HDAC4: variants seen among roughly 807,000 people sequenced by gnomAD.
HDAC4 encodes histone deacetylase 4.
Under a neutral mutation model 135.1 loss-of-function variants are expected in HDAC4, and 16 were observed. The ratio of observed to expected loss-of-function variants is 0.12; its 90% CI spans 0.08 to 0.18. HDAC4 has a LOEUF of 0.18. Ranked by LOEUF, HDAC4 falls within the 10% of genes least tolerant of loss-of-function variation. HDAC4 has a pLI of 1.00. For missense variants in HDAC4, 1,143 were observed against 1,511.8 expected, an observed-to-expected ratio of 0.76 and a Z score of 4.05; for synonymous variants, 685 against 653.4, an observed-to-expected ratio of 1.05 and a Z score of -0.74.
intron 3 of HDAC4, among the ~76,000 whole-genome samples, chr2:239,207,489 T>C (rs1423329170): frequency 6.6e-6 from 1 of 152,128 alleles, no homozygotes; most frequent in Non-Finnish European, 1.5e-5. Flanking sequence ...CTGTTATGAG[T>C]GATTTAGAAA....
At chr2:239,370,717 C>T (rs937669650) in intron 1 of HDAC4, among the ~76,000 whole-genome samples, 7 of 152,234 alleles carry the variant, frequency 4.6e-5, no homozygotes, top group African/African-American at 1.7e-4. Context: ...AGCCCTGCGG[C>T]GCCTGGAGGA....
chr2:239,066,896 G>T (rs899840855), intron 23 of HDAC4, 41 bp from the exon 24 acceptor site: 7 of 1,599,682 alleles, frequency 4.4e-6, no homozygotes, highest in Non-Finnish European at 4.3e-6. Context: ...AACGGGGGAG[G>T]ACCGCAGCCA....
chr2:239,168,708 C>T lies in HDAC4; in HGVS notation c.491-4785G>A, dbSNP rs979771073. On this transcript the variant is annotated intron_variant, in intron 5 of 26. Transcript: ENST00000543185. ...GAACCTCCTTCATGGGGGAAGACGC[C>T]GGCTTGGGCCCCGCTTACATAAGAG... 4.6e-5 allele frequency among the ~76,000 whole-genome samples: 7 copies of T among 152,348 alleles called. No individual in the cohort carries two copies. In the East Asian group the frequency reaches 1.2e-3, roughly 25 times the overall value.
intron 1 of HDAC4, among the ~76,000 whole-genome samples, chr2:239,360,965 G>A (rs1693828238): frequency 6.6e-6 from 1 of 152,128 alleles, no homozygotes; most frequent in Admixed American, 6.5e-5. Context: ...GACAGGAAAG[G>A]CACCTCTCTC....
At chr2:239,283,310 G>T (rs1450192378) in intron 2 of HDAC4, among the ~76,000 whole-genome samples, 1 of 152,246 alleles carries the variant, frequency 6.6e-6, no homozygotes, top group Non-Finnish European at 1.5e-5. Flanking sequence ...GGGTCTCTGA[G>T]ATCCGGAGGA....
chr2:239,057,429 C>CA (rs968017907), intron 24 of HDAC4, among the ~76,000 whole-genome samples: 2 of 151,836 alleles, frequency 1.3e-5, no homozygotes, highest in Admixed American at 6.6e-5. Context: ...AAGCCAGGGG[C>CA]AAAAAAACCC....
At chr2:239,359,926 C>T (rs1693750470) in intron 1 of HDAC4, among the ~76,000 whole-genome samples, 1 of 152,118 alleles carries the variant, frequency 6.6e-6, no homozygotes, top group African/African-American at 2.4e-5. Flanking sequence ...AGTACTTGAG[C>T]CAAAGGAAGT....
At chr2:239,353,923 G>A (rs530650025) in intron 1 of HDAC4, among the ~76,000 whole-genome samples, 4 of 152,132 alleles carry the variant, frequency 2.6e-5, no homozygotes, top group East Asian at 1.9e-4. Flanking sequence ...TCTAAAGTCC[G>A]CATTCCTCAC....
intron 1 of HDAC4, among the ~76,000 whole-genome samples, chr2:239,373,194 C>T (rs929094575): frequency 1.1e-4 from 16 of 152,150 alleles, no homozygotes; most frequent in African/African-American, 3.1e-4. Flanking sequence ...GCTGCAGCCG[C>T]GCGTACCTCC....
chr2:239,314,347 A>G (rs1192141688), intron 2 of HDAC4, among the ~76,000 whole-genome samples: 1 of 152,140 alleles, frequency 6.6e-6, no homozygotes, highest in Non-Finnish European at 1.5e-5. Context: ...AAAACAAGAG[A>G]GGTCATCCAG....
chr2:239,193,687 A>AAGC (rs2045166599), intron 3 of HDAC4, among the ~76,000 whole-genome samples: 1 of 152,202 alleles, frequency 6.6e-6, no homozygotes, highest in South Asian at 2.1e-4. Context: ...GCGCGAGGGG[A>AAGC]AGCAGCAGCA....
At chr2:239,372,395 A>C (rs1458166254) in intron 1 of HDAC4, among the ~76,000 whole-genome samples, 2 of 152,238 alleles carry the variant, frequency 1.3e-5, no homozygotes. Context: ...CACAAGAGTA[A>C]CACCACCACA....
At chr2:239,395,709 T>C (rs1696515906) in intron 1 of HDAC4, among the ~76,000 whole-genome samples, 1 of 152,118 alleles carries the variant, frequency 6.6e-6, no homozygotes, top group African/African-American at 2.4e-5. Flanking sequence ...CTTTCCCTCT[T>C]ACACTGCACA....
chr2:239,314,203 C>A (rs2053018474), intron 2 of HDAC4, among the ~76,000 whole-genome samples: 1 of 152,098 alleles, frequency 6.6e-6, no homozygotes, highest in African/African-American at 2.4e-5. Flanking sequence ...CGCTATGAAC[C>A]TCAAAAAAAC....
intron 2 of HDAC4, among the ~76,000 whole-genome samples, chr2:239,315,691 T>C (rs367732809): frequency 3.5e-4 from 53 of 152,192 alleles, no homozygotes; most frequent in East Asian, 1.7e-3. Flanking sequence ...CTGGAGACAA[T>C]TGGGTTGCTG....
intron 2 of HDAC4, among the ~76,000 whole-genome samples, chr2:239,328,632 G>A (rs1019560919): frequency 6.6e-6 from 1 of 152,220 alleles, no homozygotes; most frequent in East Asian, 1.9e-4. Flanking sequence ...AAACATTTCA[G>A]GAAATAAATC....
intron 22 of HDAC4, among the ~76,000 whole-genome samples, chr2:239,072,649 C>A (rs772944412): frequency 1.3e-5 from 2 of 152,244 alleles, no homozygotes; most frequent in Non-Finnish European, 2.9e-5. Flanking sequence ...CCACCAAGGA[C>A]CTTCCAGAAA....
At chr2:239,227,522 C>T (rs1559253466) in intron 3 of HDAC4, among the ~76,000 whole-genome samples, 2 of 152,166 alleles carry the variant, frequency 1.3e-5, no homozygotes, top group Admixed American at 1.3e-4. Context: ...TGGCAGATAC[C>T]GTGCTCACCA....
chr2:239,242,401 G>A (rs910574948), intron 2 of HDAC4, among the ~76,000 whole-genome samples: 2 of 152,074 alleles, frequency 1.3e-5, no homozygotes, highest in East Asian at 1.9e-4. Flanking sequence ...TCAGTGTTGC[G>A]GTCTTGAACA....
Sources: allele counts gnomAD v4.1 joint callset (sites outside exome capture counted in the v4.1 genomes callset), GRCh38; gene constraint gnomAD v4.1.1; transcripts MANE v1.5; gene names NCBI Gene and HGNC (gene_info 2026-07-23, HGNC 2026-07-21).